Variants in MED12L observed in about 807,000 individuals in gnomAD.
MED12L encodes mediator of RNA polymerase II transcription subunit 12-like protein.
MED12L carries 60 observed loss-of-function variants against 281.3 expected under a neutral mutation model. The observed-to-expected ratio is 0.21, with a 90% CI of 0.17 to 0.26. The LOEUF (loss-of-function observed/expected upper bound fraction) is 0.26. MED12L is among the 10% of genes least tolerant of loss of function. The pLI is 1.00. For missense variants in MED12L, 2,146 were observed against 2,680.9 expected, an observed-to-expected ratio of 0.80 and a Z score of 4.41; for synonymous variants, 974 against 987.2, an observed-to-expected ratio of 0.99 and a Z score of 0.25.
chr3:151,188,509 A>G (rs1179599966), intron 13 of MED12L, 29 bp downstream of exon 13: 1 of 1,558,922 alleles, frequency 6.4e-7, no homozygotes, highest in African/African-American at 1.4e-5. Context: ...TTGCCTCTAG[A>G]TCTTAAATAA....
At chr3:151,090,128 G>A (rs528000880) in intron 2 of MED12L, among the ~76,000 whole-genome samples, 1 of 152,170 alleles carries the variant, frequency 6.6e-6, no homozygotes, top group East Asian at 1.9e-4. Flanking sequence ...TTAGCCTGTG[G>A]TTAGAAAGGT....
Position 151,165,424 on chromosome 3 carries a change from G to T in MED12L, c.1262G>T (p.Arg421Leu). The T allele has an allele frequency of 6.2e-7, 1 of 1,613,198 alleles. No homozygotes were observed. The highest frequency in any genetic ancestry group is 1.1e-5 in the South Asian group (1 of 91,006). The change falls in exon 10 of 45, where the codon CGG becomes CTG. Residue 421 changes from arginine to leucine, a missense_variant. Arg to Leu is a moderately radical substitution (Grantham distance 102, BLOSUM62 -2). Coordinates refer to ENST00000687756, the MANE Select transcript of MED12L (RefSeq NM_001393769.1). ...GGNTAFNQQV[R>L]ARIYEVEQQI... Reference sequence around the variant, plus strand: ...TTAGAAGCGATTATCTTTCAGGTTCGGGCAAGGATTTATGAAGTAGAACAA... The same window carrying T: ...TTAGAAGCGATTATCTTTCAGGTTCTGGCAAGGATTTATGAAGTAGAACAA...
At chr3:151,092,241 C>G (rs1319176418) in intron 2 of MED12L, among the ~76,000 whole-genome samples, 1 of 152,346 alleles carries the variant, frequency 6.6e-6, no homozygotes, top group Non-Finnish European at 1.5e-5. Flanking sequence ...CACAGGGAGG[C>G]CTTCCTTGCA....
intron 16 of MED12L, among the ~76,000 whole-genome samples, chr3:151,250,616 A>G (rs1357954703): frequency 6.6e-6 from 1 of 152,168 alleles, no homozygotes; most frequent in Non-Finnish European, 1.5e-5. Context: ...TTTCTTTTTA[A>G]GACTGAATAA....
chr3:151,145,988 A>C (rs917745099), intron 5 of MED12L, among the ~76,000 whole-genome samples: 1 of 152,102 alleles, frequency 6.6e-6, no homozygotes, highest in Non-Finnish European at 1.5e-5. Flanking sequence ...AATAGCGTTA[A>C]TTTACGTATC....
intron 43 of MED12L, among the ~76,000 whole-genome samples, chr3:151,427,686 T>G (rs370172060): frequency 1.3e-5 from 2 of 152,180 alleles, no homozygotes; most frequent in South Asian, 4.1e-4. Flanking sequence ...TCTGAATAAG[T>G]TGATATTTGG....
rs923547437 is a variant in MED12L at position 151,435,652 on chromosome 3, T to G, written c.*2848T>G. 8 of 152,188 alleles carry G rather than the reference T, an allele frequency of 5.3e-5. No individual in the cohort carries two copies. Among genetic ancestry groups the G allele is most frequent in the African/African-American group, 1.9e-4 (8 of 41,442 alleles). 9.4% of individuals were successfully genotyped at this position (152,188 alleles called of 1,614,324 possible). On this transcript the variant is annotated 3_prime_UTR_variant, in exon 45 of 45. Transcript: ENST00000687756. Reference sequence around the variant, plus strand: ...AGTAAGTACTAGGTGAATGTTTGAATAGATGCTGGAGAAATTACACTGGAA... The same window carrying G: ...AGTAAGTACTAGGTGAATGTTTGAAGAGATGCTGGAGAAATTACACTGGAA...
At chr3:151,106,326 C>T (rs1478872023) in intron 2 of MED12L, among the ~76,000 whole-genome samples, 1 of 120,324 alleles carries the variant, frequency 8.3e-6, no homozygotes, top group Non-Finnish European at 1.8e-5. Context: ...CCCCTCCCCT[C>T]CCCTCCCCTC....
At chr3:151,155,548 A>G (rs1719161322) in intron 5 of MED12L, among the ~76,000 whole-genome samples, 1 of 152,216 alleles carries the variant, frequency 6.6e-6, no homozygotes, top group Admixed American at 6.5e-5. Flanking sequence ...GAGGGAAGCC[A>G]TGCGGGTGTC....
rs768708517 is a variant in MED12L at position 151,435,575 on chromosome 3, A to G, written c.*2771A>G. 15 of 152,162 alleles carry G rather than the reference A, an allele frequency of 9.9e-5. No homozygotes were observed. The highest frequency in any genetic ancestry group is 1.8e-4 in the Non-Finnish European group (12 of 68,030). The allele number at this position is 152,162 out of a possible 1,614,324, so 9.4% of individuals were successfully genotyped here. On this transcript the variant is annotated 3_prime_UTR_variant, in exon 45 of 45. Coordinates refer to ENST00000687756, the MANE Select transcript of MED12L (RefSeq NM_001393769.1). ...AATTCTCGGTTTTGTGCACTGAGAT[A>G]TCTAAGACCTATGGCATTTTTTTCC...
chr3:151,292,874 T>G (rs1744457180), intron 16 of MED12L, among the ~76,000 whole-genome samples: 2 of 152,212 alleles, frequency 1.3e-5, no homozygotes, highest in African/African-American at 4.8e-5. Context: ...CCTTTCAAAT[T>G]GCCTTTTCTT....
intron 21 of MED12L, among the ~76,000 whole-genome samples, chr3:151,364,347 A>T (rs1274589897): frequency 6.6e-6 from 1 of 152,172 alleles, no homozygotes; most frequent in Non-Finnish European, 1.5e-5. Context: ...AAATCTCTTA[A>T]TGCCTCTGAG....
chr3:151,293,638 T>TACACACAC lies in MED12L; in HGVS notation c.2251-56388_2251-56381dup, dbSNP rs199892582. On this transcript the variant is annotated intron_variant, in intron 16 of 44. Coordinates refer to ENST00000687756, the MANE Select transcript of MED12L (RefSeq NM_001393769.1). The stretch of plus-strand genomic sequence containing the variant: ...ACACACGGTCCTAAAATGAAGCCCT[T>TACACACAC]ACACACACACACACACACACACACA... 7.7e-4 allele frequency among the ~76,000 whole-genome samples: 77 copies of TACACACAC among 99,738 alleles called. 2 individuals are homozygous for TACACACAC. Among genetic ancestry groups the TACACACAC allele is most frequent in the East Asian group, 4.0e-3 (14 of 3,474 alleles). 65.4% of individuals were successfully genotyped at this position (99,738 alleles called of 152,430 possible). A position where few individuals can be genotyped will look rare whatever the true frequency, so the allele number is the denominator to read the frequency against.
chr3:151,153,988 G>T (rs1718931492), intron 5 of MED12L, among the ~76,000 whole-genome samples: 1 of 152,160 alleles, frequency 6.6e-6, no homozygotes, highest in African/African-American at 2.4e-5. Context: ...CCATTCTGCT[G>T]TGCACTCAGG....
At chr3:151,293,968 T>G (rs1744687585) in intron 16 of MED12L, 3 of 326,680 alleles carry the variant, frequency 9.2e-6, no homozygotes, top group Non-Finnish European at 1.7e-5. Flanking sequence ...TTCCAGCCAT[T>G]AACCCTGCCA....
intron 16 of MED12L, chr3:151,212,040 A>G (rs934142112): frequency 6.6e-6 from 1 of 152,230 alleles, no homozygotes; most frequent in Non-Finnish European, 1.5e-5. Context: ...TTGAGCATAT[A>G]AAGAAACTAC....
Position 151,431,711 on chromosome 3 carries a change from G to C in MED12L, c.6491-1041G>C, listed in dbSNP as rs114558970. 6.3e-3 allele frequency among the ~76,000 whole-genome samples: 962 copies of C among 152,258 alleles called. 13 individuals are homozygous for C. The highest frequency in any genetic ancestry group is 0.022 in the African/African-American group (917 of 41,544). ...CTATGATTTTTATAAAGTGGCATCT[G>C]TTTGGGGAAAGATATCTACTCTTAG... On this transcript the variant is annotated intron_variant, in intron 44 of 44. Coordinates refer to ENST00000687756, the MANE Select transcript of MED12L (RefSeq NM_001393769.1).
chr3:151,209,663 C>T (rs1356213958), intron 16 of MED12L, among the ~76,000 whole-genome samples: 1 of 152,098 alleles, frequency 6.6e-6, no homozygotes, highest in Non-Finnish European at 1.5e-5. Context: ...ATAATATTAT[C>T]TCTTGATGTT....
intron 16 of MED12L, chr3:151,219,417 T>C (rs549505425): frequency 2.0e-5 from 3 of 152,336 alleles, no homozygotes; most frequent in African/African-American, 7.2e-5. Context: ...TTAGAACACC[T>C]TCCACCTTCC....
Sources: gnomAD v4.1 joint callset for allele counts (sites outside exome capture counted in the v4.1 genomes callset) on GRCh38, gnomAD v4.1.1 for gene constraint, MANE v1.5 for transcripts, NCBI Gene and HGNC (gene_info 2026-07-23, HGNC 2026-07-21) for gene names.